Variants in COBL observed in about 807,000 individuals in gnomAD.
The protein encoded by COBL is cordon-bleu WH2 repeat protein.
COBL carries 51 observed loss-of-function variants against 98.8 expected under a neutral mutation model. The observed-to-expected ratio is 0.52, with a 90% CI of 0.41 to 0.65. The LOEUF is 0.65. COBL is among the 30% of genes least tolerant of loss of function. COBL has a pLI of 0.00. For missense variants in COBL, 1,617 were observed against 1,617.5 expected, an observed-to-expected ratio of 1.00 and a Z score of 0.01; for synonymous variants, 634 against 651.7, an observed-to-expected ratio of 0.97 and a Z score of 0.41.
At chr7:51,235,295 C>T (rs1307401649) in intron 1 of COBL, among the ~76,000 whole-genome samples, 3 of 152,084 alleles carry the variant, frequency 2.0e-5, no homozygotes, top group South Asian at 4.1e-4. Flanking sequence ...CTTGATGTAC[C>T]CAGTCTTTCT....
intron 1 of COBL, among the ~76,000 whole-genome samples, chr7:51,247,193 T>C (rs1434223748): frequency 6.6e-6 from 1 of 152,208 alleles, no homozygotes; most frequent in Non-Finnish European, 1.5e-5. Context: ...AGGCCATCCA[T>C]GGAGAAGACT....
intron 5 of COBL, among the ~76,000 whole-genome samples, chr7:51,139,871 G>C (rs546372508): frequency 7.2e-5 from 11 of 152,114 alleles, no homozygotes; most frequent in Non-Finnish European, 1.0e-4. Flanking sequence ...AAACAGCTTG[G>C]CCCCCCCTAT....
chr7:51,049,293 G>T (rs1477959521), intron 7 of COBL, among the ~76,000 whole-genome samples: 1 of 152,130 alleles, frequency 6.6e-6, no homozygotes, highest in South Asian at 2.1e-4. Flanking sequence ...TCTCAGGAAA[G>T]TGCACCCCAG....
chr7:51,059,063 G>A (rs1292840658), intron 7 of COBL, among the ~76,000 whole-genome samples: 10 of 152,192 alleles, frequency 6.6e-5, no homozygotes, highest in Non-Finnish European at 1.3e-4. Flanking sequence ...ATGGGATGGG[G>A]GCCAGTCCAG....
intron 1 of COBL, among the ~76,000 whole-genome samples, chr7:51,273,896 A>G (rs1799031004): frequency 6.6e-6 from 1 of 152,160 alleles, no homozygotes; most frequent in Admixed American, 6.5e-5. Flanking sequence ...GAACCGCCAC[A>G]GTTCACGTAC....
At chr7:51,130,749 A>G (rs1798662485) in intron 6 of COBL, among the ~76,000 whole-genome samples, 1 of 152,188 alleles carries the variant, frequency 6.6e-6, no homozygotes, top group Admixed American at 6.5e-5. Context: ...TCTTGATGAA[A>G]CGTGTCTTTG....
At chr7:51,066,432 C>T (rs1791933052) in intron 7 of COBL, among the ~76,000 whole-genome samples, 1 of 152,188 alleles carries the variant, frequency 6.6e-6, no homozygotes, top group Non-Finnish European at 1.5e-5. Flanking sequence ...ACTAACAGGA[C>T]ACAGAGTAGG....
intron 5 of COBL, chr7:51,172,606 A>G: frequency 9.1e-7 from 1 of 1,103,714 alleles, no homozygotes; most frequent in Non-Finnish European, 1.2e-6. Context: ...GCGATCATTA[A>G]GGCAAAAATG....
intron 1 of COBL, among the ~76,000 whole-genome samples, chr7:51,281,487 C>A (rs1395965044): frequency 6.6e-6 from 1 of 152,164 alleles, no homozygotes; most frequent in African/African-American, 2.4e-5. Context: ...AAAGCCCACA[C>A]TCTGGGACAT....
intron 8 of COBL, among the ~76,000 whole-genome samples, chr7:51,041,478 CT>C (rs773830122): frequency 0.015 from 1,197 of 79,920 alleles, 4 homozygotes; most frequent in Non-Finnish European, 0.021. Flanking sequence ...TATTTCTTTC[CT>C]TTTTTTTTTT....
chr7:51,246,621 T>C lies in COBL; in HGVS notation c.42-26677A>G, dbSNP rs372189864. On this transcript the variant is annotated intron_variant, in intron 1 of 12. Transcript: ENST00000265136. Reference sequence around the variant, plus strand: ...GCCATGCTATTAGATCTGGGCCATATAACTTCTATCTCATTCAAATAAAAT... The same window carrying C: ...GCCATGCTATTAGATCTGGGCCATACAACTTCTATCTCATTCAAATAAAAT... 4.9e-4 allele frequency among the ~76,000 whole-genome samples: 75 copies of C among 152,338 alleles called. 3 individuals carry two copies. The South Asian group carries it at 0.015, about 31-fold the overall frequency.
rs1422564006 is a variant in COBL, at chr7:51,228,904, A to G, written c.42-8960T>C. ...CATTGTTCAATATTATAGAAAAAGG[A>G]TATCTCCTTCAAAAAAAAAAGCAGT... On this transcript the variant is annotated intron_variant, in intron 1 of 12. Transcript: ENST00000265136. Among the ~76,000 whole-genome samples, 5 of 152,116 alleles carry G rather than the reference A, an allele frequency of 3.3e-5. No homozygotes were observed. The South Asian group carries it at 8.3e-4, about 25-fold the overall frequency.
intron 1 of COBL, among the ~76,000 whole-genome samples, chr7:51,263,047 C>T (rs950850147): frequency 2.6e-5 from 4 of 152,168 alleles, no homozygotes; most frequent in Middle Eastern, 3.2e-3. Context: ...GGGGCCCTGA[C>T]GCAGTGTTAA....
intron 5 of COBL, among the ~76,000 whole-genome samples, chr7:51,165,245 C>T (rs552852366): frequency 1.3e-5 from 2 of 152,072 alleles, no homozygotes; most frequent in South Asian, 4.2e-4. Context: ...TATAAAAATA[C>T]ACCTCAACTG....
At chr7:51,231,540 G>A (rs909057176) in intron 1 of COBL, among the ~76,000 whole-genome samples, 6 of 152,200 alleles carry the variant, frequency 3.9e-5, no homozygotes, top group African/African-American at 9.6e-5. Flanking sequence ...TCTCTGGATC[G>A]GGGAAGTGCA....
intron 8 of COBL, 147 bp downstream of exon 8, chr7:51,043,236 T>C: frequency 1.5e-6 from 1 of 658,652 alleles, no homozygotes; most frequent in Non-Finnish European, 2.6e-6. Context: ...GAGACATGCC[T>C]GAGAGCAGCT....
rs1356443310 is a variant in COBL, at chr7:51,025,354, C to G, written c.3523G>C (p.Glu1175Gln). Residue 1175 changes from glutamate (E) to glutamine (Q), a missense_variant, in exon 12 of 13, where the codon GAG becomes CAG. Glu to Gln is a conservative substitution (Grantham distance 29). Coordinates refer to ENST00000265136, the MANE Select transcript of COBL (RefSeq NM_015198.5). ...SLRKVASSAS[E>Q]ELQSFRDAAL... is the part of the protein sequence containing the mutation. ...GCATCTCGGAAGCTCTGGAGCTCCT[C>G]AGAAGCAGAGGATGCCACCTGGCAA... 6 of 1,613,202 alleles carry G rather than the reference C, an allele frequency of 3.7e-6. No homozygotes were observed. The African/African-American group carries it at 8.0e-5, about 22-fold the overall frequency.
chr7:51,140,650 AACACTACTCCACTG>A (rs1165701511), intron 5 of COBL, among the ~76,000 whole-genome samples: 2 of 152,196 alleles, frequency 1.3e-5, no homozygotes, highest in African/African-American at 4.8e-5. Flanking sequence ...GTGACGACAA[AACACTACTCCACTG>A]ACAGGGACAA....
intron 1 of COBL, among the ~76,000 whole-genome samples, chr7:51,242,907 G>A (rs1795928270): frequency 6.6e-6 from 1 of 152,150 alleles, no homozygotes; most frequent in Non-Finnish European, 1.5e-5. Context: ...GGAAAGCCCA[G>A]GGTAACCGCT....
Sources: allele counts gnomAD v4.1 joint callset (sites outside exome capture counted in the v4.1 genomes callset), GRCh38; gene constraint gnomAD v4.1.1; transcripts MANE v1.5; gene names NCBI Gene and HGNC (gene_info 2026-07-23, HGNC 2026-07-21).